Variants in KIR3DL1 observed in about 807,000 individuals in gnomAD.
The protein encoded by KIR3DL1 is killer cell immunoglobulin like receptor, three Ig domains and long cytoplasmic tail 1, also known as killer cell immunoglobulin-like receptor 3DL1.
KIR3DL1 carries 50 observed loss-of-function variants against 40.3 expected under a neutral mutation model. The observed-to-expected ratio is 1.24, with a 90% CI of 0.99 to 1.57. KIR3DL1 has a LOEUF of 1.57. KIR3DL1 is among the 40% of genes most tolerant of loss of function. The pLI is 0.00. For missense variants in KIR3DL1, 661 were observed against 559.9 expected (o/e 1.18, Z -1.82); for synonymous variants, 257 against 207.2 (o/e 1.24, Z -2.07).
chr19:54,820,275 C>T (rs539188782), intron 4 of KIR3DL1, among the ~76,000 whole-genome samples: 4 of 151,612 alleles, frequency 2.6e-5, no homozygotes, highest in African/African-American at 9.7e-5. Context: ...GACAGACAGA[C>T]ATGTCCCAGA....
intron 5 of KIR3DL1, among the ~76,000 whole-genome samples, chr19:54,822,183 T>C (rs760122714): frequency 1.6e-4 from 24 of 151,240 alleles, no homozygotes; most frequent in Non-Finnish European, 2.7e-4. Context: ...CAGAAGCCCA[T>C]CATGGCCTCT....
At chr19:54,820,046 TG>T in intron 4 of KIR3DL1, 34 bp downstream of exon 4, 1 of 1,593,744 alleles carries the variant, frequency 6.3e-7, no homozygotes. Flanking sequence ...TCATTGTCAC[TG>T]GGACACAGAG....
intron 1 of KIR3DL1, among the ~76,000 whole-genome samples, 176 bp from the exon 2 acceptor site, chr19:54,817,358 G>T (rs1345563232): frequency 2.1e-5 from 3 of 145,512 alleles, no homozygotes; most frequent in African/African-American, 7.9e-5. Context: ...ATCTGGGCCT[G>T]GAGGCTCAGT....
chr19:54,826,086 C>G (rs981296526), intron 6 of KIR3DL1, among the ~76,000 whole-genome samples: 1 of 150,958 alleles, frequency 6.6e-6, no homozygotes, highest in Non-Finnish European at 1.5e-5. Flanking sequence ...TTCCTTCTTT[C>G]CATGTAAAAT....
chr19:54,828,937 G>C (rs1299162167), intron 6 of KIR3DL1, among the ~76,000 whole-genome samples: 1 of 141,264 alleles, frequency 7.1e-6, no homozygotes, highest in Non-Finnish European at 1.6e-5. Flanking sequence ...AAGAGAGGGA[G>C]CAAGGGGGAG....
At chr19:54,821,460 G>A in intron 4 of KIR3DL1, 105 bp from the exon 5 acceptor site, 1 of 1,340,976 alleles carries the variant, frequency 7.5e-7, no homozygotes. Flanking sequence ...GAGAGAGAGA[G>A]AGAGCATTAG....
intron 5 of KIR3DL1, among the ~76,000 whole-genome samples, chr19:54,823,592 C>T (rs893548230): frequency 2.6e-5 from 4 of 151,186 alleles, no homozygotes; most frequent in Admixed American, 6.6e-5. Flanking sequence ...CCGCCTCCCG[C>T]GTTCAACTGA....
In KIR3DL1 at chr19:54,830,227, G is replaced by A. The variant is rs370004726; in HGVS notation, c.1287G>A (p.Thr429=). Reference sequence around the variant, plus strand: ...CCCCTACAGATACCATCTTGTACACGGAACTTCCAAATGCTAAGCCCAGAT... The same window carrying A: ...CCCCTACAGATACCATCTTGTACACAGAACTTCCAAATGCTAAGCCCAGAT... Residue 429 remains threonine, a synonymous_variant, in exon 9 of 9, where the codon ACG becomes ACA. Coordinates refer to ENST00000391728, the Ensembl canonical transcript of KIR3DL1. 114 of 1,522,400 alleles carry A rather than the reference G, an allele frequency of 7.5e-5. 18 individuals carry two copies. The highest frequency in any genetic ancestry group is 3.5e-4 in the East Asian group (15 of 42,564). The allele number at this position is 1,522,400 out of a possible 1,614,324, so 94.3% of individuals were successfully genotyped here. A position where few individuals can be genotyped will look rare whatever the true frequency, so the allele number is the denominator to read the frequency against.
chr19:54,829,724 G>T, intron 7 of KIR3DL1, among the ~76,000 whole-genome samples: 1 of 140,100 alleles, frequency 7.1e-6, no homozygotes, highest in African/African-American at 2.5e-5. Flanking sequence ...GGCAGAAAGT[G>T]GGAGACAGAA....
exon 3 of KIR3DL1, chr19:54,818,331 C>T (rs746444824): frequency 4.4e-6 from 7 of 1,602,204 alleles, no homozygotes; most frequent in Middle Eastern, 1.7e-4. Flanking sequence ...AGGACAAACC[C>T]TTCCTGTCTG....
At chr19:54,824,227 A>G (rs1210984839) in intron 5 of KIR3DL1, among the ~76,000 whole-genome samples, 1 of 151,458 alleles carries the variant, frequency 6.6e-6, no homozygotes, top group Non-Finnish European at 1.5e-5. Context: ...CAGGCCTTAG[A>G]CTCATGTTTT....
intron 6 of KIR3DL1, among the ~76,000 whole-genome samples, chr19:54,827,557 G>T (rs2061968837): frequency 6.6e-6 from 1 of 150,684 alleles, no homozygotes; most frequent in Non-Finnish European, 1.5e-5. Context: ...GGAGGTTGCA[G>T]TGAGTGGAGA....
intron 6 of KIR3DL1, among the ~76,000 whole-genome samples, chr19:54,827,001 A>G (rs2061932709): frequency 1.3e-5 from 2 of 151,776 alleles, no homozygotes; most frequent in African/African-American, 2.4e-5. Context: ...ACATGAAAAT[A>G]AGGGAGGCCC....
At chr19:54,823,709 G>T (rs1190422415) in intron 5 of KIR3DL1, among the ~76,000 whole-genome samples, 1 of 151,396 alleles carries the variant, frequency 6.6e-6, no homozygotes, top group Non-Finnish European at 1.5e-5. Flanking sequence ...TGATGGTCAG[G>T]CTGGTCTCCC....
chr19:54,828,576 G>A lies in KIR3DL1; in HGVS notation c.1001-785G>A, dbSNP rs2062030357. On this transcript the variant is annotated intron_variant, in intron 6 of 8. Coordinates refer to ENST00000391728, the Ensembl canonical transcript of KIR3DL1. ...TCACCCCATTTGCAGTGTAGCTGGG[G>A]GAAGCCAGAAAGCAGCCCAGCCTGG... Among the ~76,000 whole-genome samples, 9 of 151,106 alleles carry A rather than the reference G, an allele frequency of 6.0e-5. No homozygotes were observed. The South Asian group carries it at 1.9e-3, about 32-fold the overall frequency.
rs1185919548 is a variant in KIR3DL1, at chr19:54,830,167, A to G, written c.1227A>G (p.Arg409=). 130 of 1,524,300 alleles carry G rather than the reference A, an allele frequency of 8.5e-5. 24 individuals are homozygous for G. Among genetic ancestry groups the G allele is most frequent in the Non-Finnish European group, 1.1e-4 (128 of 1,122,874 alleles). 94.4% of individuals were successfully genotyped at this position (1,524,300 alleles called of 1,614,324 possible). A position where few individuals can be genotyped will look rare whatever the true frequency, so the allele number is the denominator to read the frequency against. Residue 409 remains arginine, a synonymous_variant, in exon 9 of 9, where the codon AGA becomes AGG. Transcript: ENST00000391728. ...TGGATCACTGCGTTTTCACACAGAGAAAAATCACTCGCCCTTCTCAGAGGC... is the reference window on the plus strand; with the variant it reads ...TGGATCACTGCGTTTTCACACAGAGGAAAATCACTCGCCCTTCTCAGAGGC...
chr19:54,817,765 G>A lies in KIR3DL1; in HGVS notation c.70+196G>A, dbSNP rs1244564878. Among the ~76,000 whole-genome samples the A allele has an allele frequency of 2.0e-5, 3 of 148,154 alleles. No individual in the cohort carries two copies. The East Asian group carries it at 6.1e-4, about 30-fold the overall frequency. On this transcript the variant is annotated intron_variant, in intron 2 of 8. Coordinates refer to ENST00000391728, the Ensembl canonical transcript of KIR3DL1. ...AGTCAAGCTCTGTGAAGACTGGGGT[G>A]AGACTAGGGTGCTCCAAGATGGGTG...
At chr19:54,826,742 G>A (rs1220189491) in intron 6 of KIR3DL1, among the ~76,000 whole-genome samples, 1 of 151,028 alleles carries the variant, frequency 6.6e-6, no homozygotes, top group African/African-American at 2.5e-5. Context: ...AAGATTGGCG[G>A]AAGGATTTTC....
At chr19:54,819,620 C>A in intron 3 of KIR3DL1, 93 bp from the exon 4 acceptor site, 2 of 1,419,244 alleles carry the variant, frequency 1.4e-6, no homozygotes, top group Non-Finnish European at 1.9e-6. Context: ...AGGAGAGAGA[C>A]AGACACGGGG....
Sources: gnomAD v4.1 joint callset for allele counts (sites outside exome capture counted in the v4.1 genomes callset) on GRCh38, gnomAD v4.1.1 for gene constraint, MANE v1.5 for transcripts, NCBI Gene and HGNC (gene_info 2026-07-23, HGNC 2026-07-21) for gene names.